The following RBPJ variants were observed in gnomAD, a reference collection of about 807,000 sequenced individuals.
RBPJ encodes the protein recombining binding protein suppressor of hairless.
A neutral mutation model predicts 67.8 loss-of-function variants in RBPJ; 9 were observed. The observed-to-expected ratio is 0.13, with a 90% CI of 0.08 to 0.23. The LOEUF (loss-of-function observed/expected upper bound fraction) is 0.23, where lower values mean the gene tolerates loss of function less well. RBPJ is among the 10% of genes least tolerant of loss of function. The pLI, the probability that RBPJ is intolerant of heterozygous loss-of-function variation, is 1.00. For missense variants in RBPJ, 305 were observed against 595.6 expected (o/e 0.51, Z 5.08); for synonymous variants, 198 against 203.3 (o/e 0.97, Z 0.22).
chr4:26,297,954 T>C (rs1721940072), intron 1 of RBPJ, among the ~76,000 whole-genome samples: 1 of 152,180 alleles, frequency 6.6e-6, no homozygotes, highest in Non-Finnish European at 1.5e-5. Flanking sequence ...CATTAACTTT[T>C]CTTTTTTGGA....
intron 1 of RBPJ, among the ~76,000 whole-genome samples, chr4:26,277,719 G>C (rs1721130804): frequency 6.6e-6 from 1 of 152,250 alleles, no homozygotes; most frequent in African/African-American, 2.4e-5. Context: ...GTCAGAGGGA[G>C]AGACTTAGTA....
chr4:26,349,786 A>G (rs956700142), intron 1 of RBPJ, among the ~76,000 whole-genome samples: 2 of 152,166 alleles, frequency 1.3e-5, no homozygotes, highest in Non-Finnish European at 2.9e-5. Context: ...ATGATGATGT[A>G]TTGTTTTATA....
At chr4:26,376,738 TCA>T (rs996654787) in intron 1 of RBPJ, among the ~76,000 whole-genome samples, 1 of 152,230 alleles carries the variant, frequency 6.6e-6, no homozygotes, top group African/African-American at 2.4e-5. Context: ...TTTTACATTC[TCA>T]CTAGCTATAT....
chr4:26,249,649 C>A (rs1373871741), intron 1 of RBPJ, among the ~76,000 whole-genome samples: 2 of 151,874 alleles, frequency 1.3e-5, no homozygotes, highest in African/African-American at 4.8e-5. Context: ...TGACAGAGTG[C>A]GACTCTGTCA....
chr4:26,316,881 C>G (rs1722670816), upstream of RBPJ, among the ~76,000 whole-genome samples: 1 of 114,750 alleles, frequency 8.7e-6, no homozygotes, highest in Non-Finnish European at 1.6e-5. Context: ...GGTGGTTGCT[C>G]CATATGCCTT....
rs909794820 is a variant in RBPJ at position 26,433,016 on chromosome 4, G to A, written c.*2009G>A. 1.3e-5 allele frequency: 2 copies of A among 152,134 alleles called. No individual in the cohort carries two copies. Among genetic ancestry groups the A allele is most frequent in the Non-Finnish European group, 2.9e-5 (2 of 68,030 alleles). 9.4% of individuals were successfully genotyped at this position (152,134 alleles called of 1,614,324 possible). A position where few individuals can be genotyped will look rare whatever the true frequency, so the allele number is the denominator to read the frequency against. On this transcript the variant is annotated 3_prime_UTR_variant, in exon 11 of 11. Transcript: ENST00000355476. The stretch of plus-strand genomic sequence containing the variant: ...AGGTCATTTGTAAAGCACGTTAGGT[G>A]GTTAAATCAGTTATTGCGGTTTTCT...
intron 1 of RBPJ, 49 bp downstream of exon 1, chr4:26,321,097 T>A (rs543705829): frequency 2.7e-6 from 4 of 1,467,482 alleles, no homozygotes; most frequent in Admixed American, 1.7e-5. Flanking sequence ...GTTGCGGGCG[T>A]CTGGCAGCTC....
chr4:26,334,334 G>C (rs1339134759), intron 1 of RBPJ, among the ~76,000 whole-genome samples: 1 of 151,752 alleles, frequency 6.6e-6, no homozygotes, highest in African/African-American at 2.4e-5. Flanking sequence ...GAGTCACCAT[G>C]CCTGGCCCAA....
intron 1 of RBPJ, among the ~76,000 whole-genome samples, chr4:26,232,483 C>T (rs1159645285): frequency 6.6e-6 from 1 of 152,076 alleles, no homozygotes; most frequent in Non-Finnish European, 1.5e-5. Flanking sequence ...CCAAAGTCCT[C>T]CTAGGGTTAC....
chr4:26,144,310 G>A, the RBPJ span, among the ~76,000 whole-genome samples: 11 of 121,280 alleles, frequency 9.1e-5, 1 homozygote, highest in South Asian at 5.1e-4. Flanking sequence ...TCACTCTGTC[G>A]CCTGGGCTGG....
the RBPJ span, among the ~76,000 whole-genome samples, chr4:26,140,198 G>T: frequency 6.6e-6 from 1 of 152,156 alleles, no homozygotes; most frequent in Admixed American, 6.5e-5. Flanking sequence ...GCCTTGATTG[G>T]CATCCCCTAG....
At chr4:26,394,338 T>G (rs561815989) in intron 2 of RBPJ, among the ~76,000 whole-genome samples, 1 of 152,292 alleles carries the variant, frequency 6.6e-6, no homozygotes, top group East Asian at 1.9e-4. Context: ...GGATTCACTT[T>G]TTTTCTTTTT....
intron 1 of RBPJ, among the ~76,000 whole-genome samples, chr4:26,305,683 A>G (rs1722209357): frequency 6.7e-6 from 1 of 150,252 alleles, no homozygotes; most frequent in South Asian, 2.1e-4. Context: ...ATTTTTTTAT[A>G]TTAATCTTGT....
intron 1 of RBPJ, among the ~76,000 whole-genome samples, chr4:26,330,290 C>A (rs1304489430): frequency 6.6e-6 from 1 of 152,076 alleles, no homozygotes; most frequent in Non-Finnish European, 1.5e-5. Context: ...TTTTACTTAC[C>A]TTGCACAATT....
In RBPJ at chr4:26,190,592, G is replaced by A. The variant is rs1052681345; in HGVS notation, c.-167+26978G>A. Among the ~76,000 whole-genome samples the A allele has an allele frequency of 3.9e-5, 6 of 152,258 alleles. No individual in the cohort carries two copies. In the South Asian group the frequency reaches 6.2e-4, roughly 16 times the overall value. On this transcript the variant is annotated intron_variant, in intron 1 of 4. Coordinates refer to the RBPJ transcript ENST00000512351. ...TGCAGGGACATGCATGCCTCTCTTC[G>A]AGGGCTCCAGAAGGGGCCTCAAAAC...
intron 1 of RBPJ, among the ~76,000 whole-genome samples, chr4:26,238,102 C>CCCA (rs1489205133): frequency 6.6e-6 from 1 of 152,130 alleles, no homozygotes; most frequent in Non-Finnish European, 1.5e-5. Flanking sequence ...CACCCTGTTG[C>CCCA]CCAGGCTGGA....
intron 1 of RBPJ, among the ~76,000 whole-genome samples, chr4:26,373,951 C>A (rs1202477793): frequency 1.5e-4 from 18 of 120,852 alleles, no homozygotes; most frequent in Non-Finnish European, 2.4e-4. Flanking sequence ...TGGAGTCTTG[C>A]TCTGTCACCC....
upstream of RBPJ, among the ~76,000 whole-genome samples, chr4:26,162,810 C>A (rs901776590): frequency 7.2e-5 from 11 of 152,272 alleles, no homozygotes; most frequent in South Asian, 2.1e-4. Flanking sequence ...TAGTTCACAT[C>A]CATCTAGGCC....
At chr4:26,181,958 C>T (rs910523243) in intron 1 of RBPJ, among the ~76,000 whole-genome samples, 9 of 152,200 alleles carry the variant, frequency 5.9e-5, no homozygotes, top group African/African-American at 2.2e-4. Context: ...TTAGGCTACA[C>T]TACATTTATT....
Sources: gnomAD v4.1 joint callset for allele counts (sites outside exome capture counted in the v4.1 genomes callset) on GRCh38, gnomAD v4.1.1 for gene constraint, MANE v1.5 for transcripts, NCBI Gene and HGNC (gene_info 2026-07-23, HGNC 2026-07-21) for gene names.